Variants in NELL2 observed in about 807,000 individuals in gnomAD.
NELL2 encodes the protein neural EGFL like 2, also known as protein kinase C-binding protein NELL2.
Under a neutral mutation model 109.6 loss-of-function variants are expected in NELL2, and 41 were observed. That is an observed-to-expected ratio of 0.37 (90% CI 0.29 to 0.49). NELL2 has a LOEUF of 0.49. NELL2 is among the 20% of genes least tolerant of loss of function. The pLI, the probability that NELL2 is intolerant of heterozygous loss-of-function variation, is 0.98. For missense variants in NELL2, 900 were observed against 1,008.3 expected, an observed-to-expected ratio of 0.89 and a Z score of 1.45; for synonymous variants, 355 against 344.7, an observed-to-expected ratio of 1.03 and a Z score of -0.33.
chr12:44,590,011 A>G (rs1944685456), intron 15 of NELL2, among the ~76,000 whole-genome samples: 1 of 151,672 alleles, frequency 6.6e-6, no homozygotes, highest in Non-Finnish European at 1.5e-5. Context: ...TACCTACCCA[A>G]CTCCTAACTT....
At chr12:44,639,015 T>A (rs192878991) in intron 13 of NELL2, among the ~76,000 whole-genome samples, 2 of 152,302 alleles carry the variant, frequency 1.3e-5, no homozygotes, top group Admixed American at 1.3e-4. Context: ...ATATAAAAAT[T>A]ATTGAGATAT....
chr12:44,815,081 A>C lies in NELL2; in HGVS notation c.335+905T>G, dbSNP rs550604321. On this transcript the variant is annotated intron_variant, in intron 3 of 19. Coordinates refer to ENST00000429094, the MANE Select transcript of NELL2 (RefSeq NM_001145108.2). ...CAGATAGTAAGTGGTGGACCTTCCC[A>C]GAACTGTGGTTATTCTTTCCAGAAG... Among the ~76,000 whole-genome samples, 19 of 152,302 alleles carry C rather than the reference A, an allele frequency of 1.2e-4. No individual in the cohort carries two copies. The East Asian group carries it at 3.5e-3, about 28-fold the overall frequency.
intron 9 of NELL2, among the ~76,000 whole-genome samples, chr12:44,741,624 C>A (rs1335703047): frequency 6.6e-6 from 1 of 152,208 alleles, no homozygotes; most frequent in Non-Finnish European, 1.5e-5. Context: ...GCTTTTCCAA[C>A]AGGCTTAAAA....
chr12:44,643,386 A>G (rs1002643118), intron 13 of NELL2, among the ~76,000 whole-genome samples: 1 of 152,206 alleles, frequency 6.6e-6, no homozygotes, highest in Non-Finnish European at 1.5e-5. Flanking sequence ...ATTAAAAAAC[A>G]TTATGATAGT....
intron 19 of NELL2, among the ~76,000 whole-genome samples, chr12:44,515,186 A>C (rs900305054): frequency 2.0e-5 from 3 of 151,862 alleles, no homozygotes; most frequent in African/African-American, 7.2e-5. Flanking sequence ...ACTTTAATAA[A>C]AGACAGATTT....
At position 44,871,977 on chromosome 12, in the gene NELL2, G is replaced by A. The variant is rs375111299; in HGVS notation, c.184+3248C>T. Among the ~76,000 whole-genome samples the A allele has an allele frequency of 1.1e-3, 172 of 152,256 alleles. 2 individuals carry two copies. The South Asian group carries it at 0.02, about 18-fold the overall frequency. ...ATTATCTACTTTGGGAACCTGGCCA[G>A]ATTAATTGTTAAAATCAAAGATCTA... is the stretch of plus-strand genomic sequence containing the variant. On this transcript the variant is annotated intron_variant, in intron 2 of 19. Coordinates refer to ENST00000429094, the MANE Select transcript of NELL2 (RefSeq NM_001145108.2).
intron 9 of NELL2, among the ~76,000 whole-genome samples, chr12:44,718,311 C>A (rs1225097518): frequency 1.3e-5 from 2 of 152,134 alleles, no homozygotes; most frequent in African/African-American, 4.8e-5. Context: ...GCTACAGGAC[C>A]GTCCCTGGAA....
intron 9 of NELL2, among the ~76,000 whole-genome samples, chr12:44,724,604 G>A (rs1219679774): frequency 6.6e-6 from 1 of 151,774 alleles, no homozygotes. Flanking sequence ...ATAAATCAGA[G>A]AAGACACAAA....
chr12:44,834,496 A>T (rs1315048451), intron 2 of NELL2, among the ~76,000 whole-genome samples: 1 of 151,122 alleles, frequency 6.6e-6, no homozygotes, highest in Non-Finnish European at 1.5e-5. Context: ...AATAAAGAAA[A>T]CCTTATATAT....
chr12:44,523,172 T>G (rs1941614746), intron 17 of NELL2, 119 bp downstream of exon 17: 3 of 962,528 alleles, frequency 3.1e-6, no homozygotes, highest in South Asian at 3.0e-5. Flanking sequence ...GTTATATTAA[T>G]TGTGATGGTA....
At chr12:44,665,228 C>T (rs942833338) in intron 13 of NELL2, among the ~76,000 whole-genome samples, 1 of 152,028 alleles carries the variant, frequency 6.6e-6, no homozygotes, top group Admixed American at 6.6e-5. Context: ...AGCATAAATA[C>T]TAAGTATAAA....
chr12:44,728,685 A>G (rs1478239632), intron 9 of NELL2, among the ~76,000 whole-genome samples: 1 of 152,164 alleles, frequency 6.6e-6, no homozygotes, highest in African/African-American at 2.4e-5. Context: ...ACACATTATA[A>G]TCAAATTTTC....
At chr12:44,706,068 A>C (rs555542844) in intron 11 of NELL2, among the ~76,000 whole-genome samples, 8 of 152,258 alleles carry the variant, frequency 5.3e-5, no homozygotes, top group African/African-American at 1.9e-4. Context: ...GCACACATAC[A>C]CTATGTAGAG....
At chr12:44,534,515 C>A (rs1049432898) in intron 15 of NELL2, among the ~76,000 whole-genome samples, 1 of 152,036 alleles carries the variant, frequency 6.6e-6, no homozygotes, top group Non-Finnish European at 1.5e-5. Context: ...TTTACTGAGG[C>A]CTCATAAGTT....
At chr12:44,718,450 G>A (rs1365102870) in intron 9 of NELL2, among the ~76,000 whole-genome samples, 1 of 152,108 alleles carries the variant, frequency 6.6e-6, no homozygotes, top group Non-Finnish European at 1.5e-5. Flanking sequence ...TTTTAACCAT[G>A]TTAATTGCAT....
At chr12:44,587,284 A>AAAAAAAAAATAAAT in intron 15 of NELL2, among the ~76,000 whole-genome samples, 1 of 72,206 alleles carries the variant, frequency 1.4e-5, no homozygotes, top group African/African-American at 5.1e-5. Context: ...AAAAAAAAAA[A>AAAAAAAAAATAAAT]ATATATATAT....
In NELL2 at chr12:44,659,962, T is replaced by G. The variant is rs1297532817; in HGVS notation, c.1444+5522A>C. ...CAGGATAGTGTAATTTGAGGGGCCCTAAGAAATTTTCTCTGCTGCCTCTGC... is the reference window on the plus strand; with the variant it reads ...CAGGATAGTGTAATTTGAGGGGCCCGAAGAAATTTTCTCTGCTGCCTCTGC... On this transcript the variant is annotated intron_variant, in intron 13 of 19. Transcript: ENST00000429094. Among the ~76,000 whole-genome samples, 5 of 152,182 alleles carry G rather than the reference T, an allele frequency of 3.3e-5. No individual in the cohort carries two copies. In the South Asian group the frequency reaches 8.3e-4, roughly 25 times the overall value.
chr12:44,778,352 T>C (rs367565952), intron 5 of NELL2, among the ~76,000 whole-genome samples: 2 of 152,180 alleles, frequency 1.3e-5, no homozygotes, highest in Non-Finnish European at 2.9e-5. Context: ...CAGTGTGTGC[T>C]TGGGCCTAGA....
At chr12:44,902,472 G>A (rs116777559) in intron 1 of NELL2, among the ~76,000 whole-genome samples, 3,436 of 152,126 alleles carry the variant, frequency 0.023, 146 homozygotes, top group African/African-American at 0.078. Flanking sequence ...AAATGGCCAC[G>A]CTGCCCAAAG....
Sources: allele counts gnomAD v4.1 joint callset (sites outside exome capture counted in the v4.1 genomes callset), GRCh38; gene constraint gnomAD v4.1.1; transcripts MANE v1.5; gene names NCBI Gene and HGNC (gene_info 2026-07-23, HGNC 2026-07-21).